DACH2: variants seen among roughly 807,000 people sequenced by gnomAD.
The protein encoded by DACH2 is dachshund homolog 2.
DACH2 carries 17 observed loss-of-function variants against 35.8 expected under a neutral mutation model. The ratio of observed to expected loss-of-function variants is 0.48; its 90% CI spans 0.33 to 0.71. The LOEUF is 0.71. Among genes scored for constraint, DACH2 ranks in the 30% least tolerant of loss-of-function variants. DACH2 has a pLI of 0.02. For missense variants in DACH2, 469 were observed against 472.7 expected, an observed-to-expected ratio of 0.99 and a Z score of 0.07; for synonymous variants, 195 against 177.3, an observed-to-expected ratio of 1.10 and a Z score of -0.79.
At chrX:86,289,810 C>A (rs865970437) in intron 1 of DACH2, among the ~76,000 whole-genome samples, 3 of 109,142 alleles carry the variant, frequency 2.7e-5, no homozygotes, top group Non-Finnish European at 5.7e-5. Flanking sequence ...TTTTCTTAAT[C>A]CAGTCTATCA....
intron 4 of DACH2, among the ~76,000 whole-genome samples, chrX:86,663,782 C>T (rs978447001): frequency 1.8e-5 from 2 of 111,726 alleles, no homozygotes; most frequent in Admixed American, 9.5e-5. Flanking sequence ...TAACCTAATG[C>T]GTTATCAGAC....
intron 2 of DACH2, among the ~76,000 whole-genome samples, chrX:86,505,515 T>C (rs1017616653): frequency 8.9e-6 from 1 of 112,076 alleles, no homozygotes; most frequent in African/African-American, 3.2e-5. Flanking sequence ...AGATACTTCA[T>C]GTAAGTGAAA....
chrX:86,461,245 GT>G (rs775706125), intron 2 of DACH2, among the ~76,000 whole-genome samples: 11 of 111,583 alleles, frequency 9.9e-5, no homozygotes, highest in Non-Finnish European at 1.5e-4. Context: ...GAATTCAAGT[GT>G]TTGAGAGAAG....
intron 7 of DACH2, among the ~76,000 whole-genome samples, chrX:86,786,528 T>G (rs2042139451): frequency 8.9e-6 from 1 of 112,115 alleles, no homozygotes; most frequent in Admixed American, 9.5e-5. Flanking sequence ...CAAATTGGTC[T>G]GATGAAAATT....
intron 2 of DACH2, among the ~76,000 whole-genome samples, chrX:86,433,481 G>A (rs1319929419): frequency 8.9e-6 from 1 of 111,867 alleles, no homozygotes; most frequent in Non-Finnish European, 1.9e-5. Context: ...ATAATTTAGG[G>A]GATGTTTGTA....
intron 1 of DACH2, among the ~76,000 whole-genome samples, chrX:86,249,307 A>C (rs1360906910): frequency 9.0e-6 from 1 of 111,347 alleles, no homozygotes; most frequent in East Asian, 2.8e-4. Flanking sequence ...TTATGCATGC[A>C]ACAAATGTCT....
At chrX:86,387,596 G>A (rs772929121) in intron 2 of DACH2, among the ~76,000 whole-genome samples, 1 of 111,490 alleles carries the variant, frequency 9.0e-6, no homozygotes, top group South Asian at 3.7e-4. Context: ...GTTATGAAAA[G>A]CAAAAATGAG....
Position 86,457,584 on chromosome X carries a change from G to A in DACH2, c.528-56695G>A, listed in dbSNP as rs1005470763. 8.0e-5 allele frequency among the ~76,000 whole-genome samples: 9 copies of A among 112,249 alleles called. No homozygotes were observed. The East Asian group carries it at 1.1e-3, about 14-fold the overall frequency. On this transcript the variant is annotated intron_variant, in intron 2 of 11. Coordinates refer to ENST00000373125, the MANE Select transcript of DACH2 (RefSeq NM_053281.3). ...ACATGCTAGGTTTTGTTTTAGGTCC[G>A]AGGAATGCAATAATGAATAAAGCAA...
At chrX:86,769,397 A>C (rs900262370) in intron 7 of DACH2, among the ~76,000 whole-genome samples, 1 of 112,343 alleles carries the variant, frequency 8.9e-6, no homozygotes, top group Non-Finnish European at 1.9e-5. Context: ...TGCAATCTCT[A>C]TCAAACTACC....
At chrX:86,539,877 A>C (rs2038857516) in intron 3 of DACH2, among the ~76,000 whole-genome samples, 1 of 111,516 alleles carries the variant, frequency 9.0e-6, no homozygotes, top group African/African-American at 3.3e-5. Flanking sequence ...TTATTAGGAA[A>C]ATCTGACTTA....
intron 1 of DACH2, among the ~76,000 whole-genome samples, chrX:86,358,939 A>G (rs1365404857): frequency 3.6e-5 from 4 of 111,420 alleles, no homozygotes; most frequent in African/African-American, 1.3e-4. Flanking sequence ...AGTTTAAAAA[A>G]CTTTCAGATC....
intron 2 of DACH2, among the ~76,000 whole-genome samples, chrX:86,489,978 G>A (rs1280095543): frequency 1.8e-5 from 2 of 111,941 alleles, no homozygotes; most frequent in Non-Finnish European, 3.8e-5. Flanking sequence ...AATTTACTCT[G>A]TCATTAACGT....
chrX:86,207,504 T>C (rs929369923), intron 1 of DACH2, among the ~76,000 whole-genome samples: 5 of 110,815 alleles, frequency 4.5e-5, no homozygotes, highest in Non-Finnish European at 9.5e-5. Context: ...TGTGCCTGTA[T>C]CAAAATATGT....
At chrX:86,761,210 A>T (rs1046339931) in intron 7 of DACH2, among the ~76,000 whole-genome samples, 29 of 109,342 alleles carry the variant, frequency 2.7e-4, no homozygotes, top group Admixed American at 1.8e-3. Flanking sequence ...CCCATCCCTG[A>T]CAGGCCCCAG....
At chrX:86,757,753 C>T (rs750614810) in intron 7 of DACH2, among the ~76,000 whole-genome samples, 13 of 112,020 alleles carry the variant, frequency 1.2e-4, no homozygotes, top group Non-Finnish European at 1.7e-4. Context: ...CCACGTAGGA[C>T]GTGCTGCTTC....
intron 7 of DACH2, among the ~76,000 whole-genome samples, chrX:86,789,082 C>T (rs901106125): frequency 8.9e-6 from 1 of 111,788 alleles, no homozygotes; most frequent in Admixed American, 9.5e-5. Flanking sequence ...ATTTATATTA[C>T]TCTAGACCAT....
chrX:86,666,277 A>G, intron 4 of DACH2, among the ~76,000 whole-genome samples: 1 of 99,393 alleles, frequency 1.0e-5, no homozygotes. Context: ...TACTTCAGCA[A>G]TGTTTTTGGA....
intron 3 of DACH2, among the ~76,000 whole-genome samples, chrX:86,574,316 G>A (rs147754559): frequency 9.0e-6 from 1 of 111,044 alleles, no homozygotes; most frequent in African/African-American, 3.3e-5. Flanking sequence ...ATCTCTCTCG[G>A]TTGACCTAAT....
chrX:86,655,638 CA>C (rs1411002744), intron 4 of DACH2, among the ~76,000 whole-genome samples: 2 of 110,323 alleles, frequency 1.8e-5, no homozygotes, highest in Non-Finnish European at 3.8e-5. Context: ...TACAATATTC[CA>C]ACAGTTATAA....
Sources: gnomAD v4.1 joint callset for allele counts (sites outside exome capture counted in the v4.1 genomes callset) on GRCh38, gnomAD v4.1.1 for gene constraint, MANE v1.5 for transcripts, NCBI Gene and HGNC (gene_info 2026-07-23, HGNC 2026-07-21) for gene names.